Variants in TNIP3 observed in about 807,000 individuals in gnomAD.
The protein encoded by TNIP3 is TNFAIP3-interacting protein 3.
A neutral mutation model predicts 54.1 loss-of-function variants in TNIP3; 34 were observed. The ratio of observed to expected loss-of-function variants is 0.63; its 90% CI spans 0.48 to 0.84. The LOEUF (loss-of-function observed/expected upper bound fraction) is 0.84, where lower values mean the gene tolerates loss of function less well. Among genes scored for constraint, TNIP3 ranks in the 40% least tolerant of loss-of-function variants. The probability of loss-of-function intolerance (pLI) is 0.00; values close to 1 mark genes in which losing one functional copy is unlikely to be tolerated. For synonymous variants in TNIP3, 134 were observed against 136.8 expected (o/e 0.98, Z 0.14); for missense variants, 366 against 387.6 (o/e 0.94, Z 0.47).
chr4:121,215,622 T>C (rs1210290386), intron 2 of TNIP3, among the ~76,000 whole-genome samples: 2 of 152,134 alleles, frequency 1.3e-5, no homozygotes, highest in Admixed American at 1.3e-4. Context: ...TTCTCCTGTT[T>C]CTCTTTACCA....
At chr4:121,159,941 CA>C (rs1358977699) in intron 2 of TNIP3, among the ~76,000 whole-genome samples, 1 of 152,176 alleles carries the variant, frequency 6.6e-6, no homozygotes, top group Non-Finnish European at 1.5e-5. Context: ...TCCAGAGTGG[CA>C]GTTACTAGGT....
intron 3 of TNIP3, among the ~76,000 whole-genome samples, chr4:121,175,306 G>T (rs1432731302): frequency 6.6e-6 from 1 of 152,186 alleles, no homozygotes; most frequent in Admixed American, 6.5e-5. Context: ...TTGGCTTTAA[G>T]TGTCCATTCA....
chr4:121,149,078 T>G (rs891178474), intron 6 of TNIP3, among the ~76,000 whole-genome samples: 2 of 152,220 alleles, frequency 1.3e-5, no homozygotes. Flanking sequence ...ATATGCATGG[T>G]CGGCCCCTCA....
intron 1 of TNIP3, among the ~76,000 whole-genome samples, chr4:121,224,058 T>A (rs780442913): frequency 1.4e-4 from 21 of 152,230 alleles, no homozygotes; most frequent in Non-Finnish European, 2.6e-4. Flanking sequence ...ATGAATGATC[T>A]CAGCTCTCTG....
chr4:121,206,041 T>C (rs1241398215), intron 2 of TNIP3, among the ~76,000 whole-genome samples: 1 of 152,056 alleles, frequency 6.6e-6, no homozygotes, highest in Admixed American at 6.6e-5. Flanking sequence ...CTCAAAATCT[T>C]GAGAACAGCA....
chr4:121,154,443 C>T (rs1310962156), intron 5 of TNIP3, 108 bp downstream of exon 5: 1 of 1,380,816 alleles, frequency 7.2e-7, no homozygotes, highest in Non-Finnish European at 1.0e-6. Context: ...GTGCAAGCCT[C>T]CAAGGCTGGG....
intron 2 of TNIP3, among the ~76,000 whole-genome samples, chr4:121,198,501 T>C (rs1242351061): frequency 6.6e-6 from 1 of 152,214 alleles, no homozygotes; most frequent in Admixed American, 6.5e-5. Flanking sequence ...GCACCTATTA[T>C]GGGCCAGATG....
rs374312985 is a variant in TNIP3 at position 121,177,093 on chromosome 4, G to T, written c.189+5583C>A. 1.4e-3 allele frequency among the ~76,000 whole-genome samples: 211 copies of T among 152,182 alleles called. 1 individual carries two copies. The Middle Eastern group carries it at 0.031, about 22-fold the overall frequency. Reference sequence around the variant, plus strand: ...TCATCCTTGTTTTCAAGCATTATTGGAACCATATTTGTTTATCCAAGAAAT... The same window carrying T: ...TCATCCTTGTTTTCAAGCATTATTGTAACCATATTTGTTTATCCAAGAAAT... On this transcript the variant is annotated intron_variant, in intron 3 of 12. Transcript: ENST00000507879.
upstream of TNIP3, among the ~76,000 whole-genome samples, chr4:121,219,779 A>C (rs780720203): frequency 2.6e-5 from 4 of 152,208 alleles, no homozygotes; most frequent in Non-Finnish European, 5.9e-5. Flanking sequence ...AGGTGTCCAA[A>C]TGTAATTCAC....
At chr4:121,168,521 C>CTTTT (rs35307961), upstream of TNIP3, among the ~76,000 whole-genome samples, 1 of 132,352 alleles carries the variant, frequency 7.6e-6, no homozygotes, top group Non-Finnish European at 1.6e-5. Flanking sequence ...CTTTTCTTTG[C>CTTTT]TTTTTTTTTT....
At chr4:121,181,930 T>C (rs979797490) in intron 3 of TNIP3, among the ~76,000 whole-genome samples, 1 of 152,192 alleles carries the variant, frequency 6.6e-6, no homozygotes, top group Non-Finnish European at 1.5e-5. Context: ...TTTTCAACAC[T>C]GAGTAAGAAC....
At chr4:121,150,887 C>T (rs944877656) in intron 5 of TNIP3, among the ~76,000 whole-genome samples, 1 of 152,166 alleles carries the variant, frequency 6.6e-6, no homozygotes, top group Non-Finnish European at 1.5e-5. Context: ...AACTCACTAC[C>T]GAGTGGAGAG....
upstream of TNIP3, among the ~76,000 whole-genome samples, chr4:121,168,732 CTGGTCTTGAACTCG>C (rs1208726210): frequency 6.6e-6 from 1 of 152,012 alleles, no homozygotes; most frequent in Admixed American, 6.6e-5. Flanking sequence ...ATTGCCCACA[CTGGTCTTGAACTCG>C]TGGCTTTGAA....
chr4:121,134,132 C>A lies in TNIP3; in HGVS notation c.947-1470G>T, dbSNP rs558717318. 5.3e-5 allele frequency among the ~76,000 whole-genome samples: 8 copies of A among 152,226 alleles called. No homozygotes were observed. The South Asian group carries it at 1.7e-3, about 32-fold the overall frequency. Reference sequence around the variant, plus strand: ...GTAAAAGCTAATCATAATATTTAGGCTTTGATCTTCTATATTGTAAAGAAG... The same window carrying A: ...GTAAAAGCTAATCATAATATTTAGGATTTGATCTTCTATATTGTAAAGAAG... On this transcript the variant is annotated intron_variant, in intron 10 of 10. Coordinates refer to ENST00000057513, the MANE Select transcript of TNIP3 (RefSeq NM_024873.6).
chr4:121,145,062 T>C (rs1729350709), intron 7 of TNIP3, among the ~76,000 whole-genome samples: 1 of 152,228 alleles, frequency 6.6e-6, no homozygotes, highest in Admixed American at 6.5e-5. Context: ...TCCTCAGTGA[T>C]AGAATGAATA....
At chr4:121,197,539 A>AG (rs1725666585) in intron 2 of TNIP3, among the ~76,000 whole-genome samples, 1 of 151,962 alleles carries the variant, frequency 6.6e-6, no homozygotes, top group East Asian at 1.9e-4. Flanking sequence ...CTCAAAAAAA[A>AG]AAAAAAAAAA....
At chr4:121,174,897 C>G (rs978605656) in intron 3 of TNIP3, among the ~76,000 whole-genome samples, 4 of 152,126 alleles carry the variant, frequency 2.6e-5, no homozygotes. Context: ...TGTTCCCATA[C>G]CCATTCAAAA....
intron 6 of TNIP3, among the ~76,000 whole-genome samples, chr4:121,147,620 G>T (rs1303090838): frequency 6.6e-6 from 1 of 152,154 alleles, no homozygotes; most frequent in African/African-American, 2.4e-5. Context: ...TTTGAGAAAA[G>T]TGACTAAACT....
chr4:121,163,667 T>C (rs1381407695), intron 1 of TNIP3, among the ~76,000 whole-genome samples: 1 of 152,200 alleles, frequency 6.6e-6, no homozygotes, highest in African/African-American at 2.4e-5. Flanking sequence ...CAATTAGCAG[T>C]AGTCTCTGTT....
Sources: gnomAD v4.1 joint callset for allele counts (sites outside exome capture counted in the v4.1 genomes callset) on GRCh38, gnomAD v4.1.1 for gene constraint, MANE v1.5 for transcripts, NCBI Gene and HGNC (gene_info 2026-07-23, HGNC 2026-07-21) for gene names.